SH3PXD2A: variants seen among roughly 807,000 people sequenced by gnomAD.
SH3PXD2A encodes SH3 and PX domain-containing protein 2A.
Under a neutral mutation model 115.2 loss-of-function variants are expected in SH3PXD2A, and 32 were observed. The ratio of observed to expected loss-of-function variants is 0.28; its 90% confidence interval spans 0.21 to 0.37. The LOEUF is 0.37. Ranked by LOEUF, SH3PXD2A falls within the 10% of genes least tolerant of loss-of-function variation. The probability of loss-of-function intolerance (pLI) is 1.00; values close to 1 mark genes in which losing one functional copy is unlikely to be tolerated. For missense variants in SH3PXD2A, 1,328 were observed against 1,498.7 expected (o/e 0.89, Z 1.88); for synonymous variants, 610 against 629.1 (o/e 0.97, Z 0.45).
chr10:103,661,901 A>G, intron 7 of SH3PXD2A: 1 of 984,938 alleles, frequency 1.0e-6, no homozygotes, highest in South Asian at 4.7e-5. Context: ...TGGCGAGCCC[A>G]GCCCGCCCCC....
chr10:103,791,234 G>A (rs775458231), intron 2 of SH3PXD2A, among the ~76,000 whole-genome samples: 6 of 152,216 alleles, frequency 3.9e-5, no homozygotes, highest in Non-Finnish European at 7.3e-5. Flanking sequence ...AGCAAAGGGC[G>A]GAGATGGCTT....
chr10:103,643,317 C>T lies in SH3PXD2A; in HGVS notation c.605-16115G>A, dbSNP rs142585230. 4.4e-4 allele frequency among the ~76,000 whole-genome samples: 67 copies of T among 152,330 alleles called. 1 individual carries two copies. Among genetic ancestry groups the T allele is most frequent in the Middle Eastern group, 3.4e-3 (1 of 294 alleles). ...TGGGGTCGTTTAACTCTGCATTCCC[C>T]AAGCCCTCCGGCCAGGTGAACCAAT... On this transcript the variant is annotated intron_variant, in intron 8 of 14. Transcript: ENST00000369774.
intron 3 of SH3PXD2A, among the ~76,000 whole-genome samples, chr10:103,761,297 G>C (rs1468226673): frequency 6.6e-6 from 1 of 152,140 alleles, no homozygotes; most frequent in Non-Finnish European, 1.5e-5. Flanking sequence ...TCCTTAAAAT[G>C]GGAATAATGC....
At chr10:103,740,458 C>T (rs1478942087) in intron 3 of SH3PXD2A, among the ~76,000 whole-genome samples, 7 of 152,146 alleles carry the variant, frequency 4.6e-5, no homozygotes, top group African/African-American at 9.7e-5. Flanking sequence ...CTTGGGAAAG[C>T]GGTACCTATG....
rs950409991 is a variant in SH3PXD2A, at chr10:103,833,510, T to C, written c.72+21685A>G. Among the ~76,000 whole-genome samples, 4 of 152,146 alleles carry C rather than the reference T, an allele frequency of 2.6e-5. No individual in the cohort carries two copies. The South Asian group carries it at 8.3e-4, about 31-fold the overall frequency. On this transcript the variant is annotated intron_variant, in intron 1 of 14. Coordinates refer to ENST00000369774, the MANE Select transcript of SH3PXD2A (RefSeq NM_001394015.1). The stretch of plus-strand genomic sequence containing the variant: ...ATATTTATATTTATATATGGATGTT[T>C]AGAGCAGCATTGTTTGAAGTGGCGA...
At chr10:103,606,432 TAAAA>T (rs533450822) in intron 13 of SH3PXD2A, among the ~76,000 whole-genome samples, 1 of 8,156 alleles carries the variant, frequency 1.2e-4, no homozygotes, top group African/African-American at 4.7e-4. Context: ...AAGAATTTGC[TAAAA>T]AAAAAAAAAA....
intron 7 of SH3PXD2A, chr10:103,662,099 A>T: frequency 2.5e-6 from 1 of 404,488 alleles, no homozygotes; most frequent in Non-Finnish European, 3.3e-6. Flanking sequence ...GCTTGTGGTC[A>T]GGCCCCGGCA....
chr10:103,679,150 T>C (rs1268249138), intron 6 of SH3PXD2A, among the ~76,000 whole-genome samples: 1 of 152,242 alleles, frequency 6.6e-6, no homozygotes, highest in Non-Finnish European at 1.5e-5. Flanking sequence ...CAGAGACCCC[T>C]ACATGGCGTG....
At chr10:103,721,826 C>T (rs989918283) in intron 5 of SH3PXD2A, among the ~76,000 whole-genome samples, 5 of 152,082 alleles carry the variant, frequency 3.3e-5, no homozygotes, top group African/African-American at 7.2e-5. Flanking sequence ...GGGGCAGGAG[C>T]GCAGACAGGT....
intron 2 of SH3PXD2A, among the ~76,000 whole-genome samples, chr10:103,771,085 C>T (rs1346574579): frequency 6.6e-6 from 1 of 152,114 alleles, no homozygotes; most frequent in Non-Finnish European, 1.5e-5. Context: ...GAGAGGTGGG[C>T]CCAGCAACAC....
chr10:103,682,315 A>T (rs2037621054), intron 6 of SH3PXD2A, among the ~76,000 whole-genome samples: 1 of 152,238 alleles, frequency 6.6e-6, no homozygotes, highest in Non-Finnish European at 1.5e-5. Flanking sequence ...AGCAGCACTC[A>T]CTTTCTCCAT....
At chr10:103,802,306 T>C (rs1261176372) in intron 1 of SH3PXD2A, among the ~76,000 whole-genome samples, 1 of 152,162 alleles carries the variant, frequency 6.6e-6, no homozygotes, top group Non-Finnish European at 1.5e-5. Flanking sequence ...TTTGCTATGT[T>C]GAACAAACAC....
chr10:103,608,736 GGAA>G (rs1366169867), intron 13 of SH3PXD2A: 1 of 151,920 alleles, frequency 6.6e-6, no homozygotes, highest in Admixed American at 6.5e-5. Flanking sequence ...CCAAAGTGCT[GGAA>G]TTACAGGCAT....
rs561726720 is a variant in SH3PXD2A, at chr10:103,655,019, C to T, written c.604+5964G>A. 5.6e-4 allele frequency among the ~76,000 whole-genome samples: 85 copies of T among 152,296 alleles called. 2 individuals carry two copies. In the South Asian group the frequency reaches 0.017, roughly 30 times the overall value. ...CTGCTCCTGGCTTTATGCTCCCAGGCCCTTTCCCCTCCAGCCAGCTCTGTG... is the reference window on the plus strand; with the variant it reads ...CTGCTCCTGGCTTTATGCTCCCAGGTCCTTTCCCCTCCAGCCAGCTCTGTG... On this transcript the variant is annotated intron_variant, in intron 8 of 14. Coordinates refer to ENST00000369774, the MANE Select transcript of SH3PXD2A (RefSeq NM_001394015.1).
At chr10:103,722,025 G>A (rs546726744) in intron 5 of SH3PXD2A, among the ~76,000 whole-genome samples, 35 of 151,620 alleles carry the variant, frequency 2.3e-4, no homozygotes, top group Non-Finnish European at 4.3e-4. Flanking sequence ...AGCCCTGGCC[G>A]GGCGCAGTTG....
intron 3 of SH3PXD2A, among the ~76,000 whole-genome samples, chr10:103,741,452 CCCTGCTGT>C (rs1049998531): frequency 9.9e-5 from 15 of 152,168 alleles, no homozygotes; most frequent in African/African-American, 3.6e-4. Flanking sequence ...GCCCTCTCTC[CCCTGCTGT>C]CCTAGAGAAT....
chr10:103,613,181 G>C lies in SH3PXD2A; in HGVS notation c.930C>G (p.Gly310=). 6.3e-7 allele frequency: 1 copy of C among 1,597,640 alleles called. No homozygotes were observed. ...AGGATGCTGGCGCCCAGCCCTCTTT[G>C]CCCAGGTATCTGTGGGGAGGAGCAG... is the stretch of plus-strand genomic sequence containing the variant. The part of the protein sequence containing the change: ...LEGWWYIRYL[G]KEGWAPASYL... Residue 310 remains glycine, a synonymous_variant, in exon 12 of 15, where the codon GGC becomes GGG. Transcript: ENST00000369774.
chr10:103,644,857 G>T (rs1349802075), intron 8 of SH3PXD2A, among the ~76,000 whole-genome samples: 1 of 152,228 alleles, frequency 6.6e-6, no homozygotes, highest in Non-Finnish European at 1.5e-5. Context: ...CTGAGGAGCA[G>T]AATGGCCACA....
chr10:103,817,990 A>G (rs189736261), intron 1 of SH3PXD2A, among the ~76,000 whole-genome samples: 47 of 152,326 alleles, frequency 3.1e-4, no homozygotes, highest in African/African-American at 1.1e-3. Flanking sequence ...TTTAAAAATG[A>G]CTGTGGTTGA....
Sources: allele counts gnomAD v4.1 joint callset (sites outside exome capture counted in the v4.1 genomes callset), GRCh38; gene constraint gnomAD v4.1.1; transcripts MANE v1.5; gene names NCBI Gene and HGNC (gene_info 2026-07-23, HGNC 2026-07-21).